MIS18A: variants seen among roughly 807,000 people sequenced by gnomAD.
MIS18A encodes the protein MIS18 kinetochore protein A.
In MIS18A, 14 loss-of-function variants were observed where a neutral mutation model predicts 25.0. The ratio of observed to expected loss-of-function variants is 0.56; its 90% CI spans 0.37 to 0.88. The LOEUF (loss-of-function observed/expected upper bound fraction) is 0.88. MIS18A is among the 40% of genes least tolerant of loss of function. The pLI, the probability that MIS18A is intolerant of heterozygous loss-of-function variation, is 0.00. For synonymous variants in MIS18A, 134 were observed against 118.6 expected (o/e 1.13, Z -0.84); for missense variants, 292 against 290.8 (o/e 1.00, Z -0.03).
chr21:32,258,837 TA>T, the MIS18A span, among the ~76,000 whole-genome samples: 1 of 66,744 alleles, frequency 1.5e-5, no homozygotes, highest in East Asian at 3.8e-4. Context: ...GTCTGCATTT[TA>T]TTTATTTATT....
At chr21:32,193,931 T>C in the MIS18A span, among the ~76,000 whole-genome samples, 1 of 152,178 alleles carries the variant, frequency 6.6e-6, no homozygotes, top group Admixed American at 6.5e-5. Flanking sequence ...CCTATGATTG[T>C]GGGATGTTTA....
At chr21:32,213,635 T>C in the MIS18A span, among the ~76,000 whole-genome samples, 1 of 152,216 alleles carries the variant, frequency 6.6e-6, no homozygotes, top group Non-Finnish European at 1.5e-5. Flanking sequence ...GTGTTAATTT[T>C]TTGACTGAAA....
the MIS18A span, among the ~76,000 whole-genome samples, chr21:32,198,858 G>T: frequency 0.15 from 22,766 of 151,808 alleles, 1,801 homozygotes; most frequent in East Asian, 0.24. Context: ...TTTAACCAGT[G>T]GACCCCATGG....
chr21:32,228,787 A>G, the MIS18A span, among the ~76,000 whole-genome samples: 2 of 152,230 alleles, frequency 1.3e-5, no homozygotes, highest in Non-Finnish European at 2.9e-5. Context: ...AATGCTTAGG[A>G]GTAAATTTAA....
chr21:32,193,456 A>G, the MIS18A span, among the ~76,000 whole-genome samples: 1 of 151,612 alleles, frequency 6.6e-6, no homozygotes, highest in South Asian at 2.1e-4. Context: ...TGCTTGATAT[A>G]ATAGGTTGAT....
At chr21:32,270,592 A>C in intron 2 of MIS18A, 63 bp from the exon 3 acceptor site, 174 of 1,450,882 alleles carry the variant, frequency 1.2e-4, no homozygotes, top group Middle Eastern at 1.8e-4. Flanking sequence ...TAAAAATCTC[A>C]CTGTTAAAAT....
chr21:32,234,620 A>G, the MIS18A span, among the ~76,000 whole-genome samples: 1 of 152,138 alleles, frequency 6.6e-6, no homozygotes, highest in Non-Finnish European at 1.5e-5. Flanking sequence ...GCTTAGCAGC[A>G]TCCATGGTGA....
the MIS18A span, among the ~76,000 whole-genome samples, chr21:32,223,168 A>T: frequency 6.6e-6 from 1 of 152,184 alleles, no homozygotes; most frequent in Admixed American, 6.5e-5. Context: ...CCCACATGAG[A>T]ACATGGGAAA....
the MIS18A span, among the ~76,000 whole-genome samples, chr21:32,231,641 T>C: frequency 6.6e-6 from 1 of 152,164 alleles, no homozygotes; most frequent in African/African-American, 2.4e-5. Flanking sequence ...TGCCTCAAAG[T>C]GTTAAACATA....
At chr21:32,266,696 GAAC>G (rs1272879378), downstream of MIS18A, among the ~76,000 whole-genome samples, 1 of 151,292 alleles carries the variant, frequency 6.6e-6, no homozygotes, top group Non-Finnish European at 1.5e-5. Context: ...GAACACATCT[GAAC>G]ATCAGAAGGG....
At chr21:32,190,090 GT>G in the MIS18A span, among the ~76,000 whole-genome samples, 1 of 152,150 alleles carries the variant, frequency 6.6e-6, no homozygotes, top group Non-Finnish European at 1.5e-5. Flanking sequence ...AGAAAACTCT[GT>G]TATTTTCAAA....
At chr21:32,171,111 CAT>C in the MIS18A span, among the ~76,000 whole-genome samples, 1 of 152,020 alleles carries the variant, frequency 6.6e-6, no homozygotes, top group African/African-American at 2.4e-5. Context: ...TTCTATCCAA[CAT>C]TATACTGGAG....
At chr21:32,201,109 A>G in the MIS18A span, among the ~76,000 whole-genome samples, 3 of 152,134 alleles carry the variant, frequency 2.0e-5, no homozygotes, top group South Asian at 2.1e-4. Context: ...CGGAAGGTGA[A>G]GGAAGAGCAG....
At chr21:32,177,472 G>C in the MIS18A span, among the ~76,000 whole-genome samples, 5 of 152,220 alleles carry the variant, frequency 3.3e-5, no homozygotes, top group East Asian at 9.6e-4. Flanking sequence ...AGGAAAAAAT[G>C]CAAGTATTGG....
chr21:32,225,198 C>G, the MIS18A span, among the ~76,000 whole-genome samples: 9 of 79,744 alleles, frequency 1.1e-4, no homozygotes, highest in Admixed American at 5.1e-4. Flanking sequence ...CTAGGCATTA[C>G]CATTCAGGAC....
the MIS18A span, among the ~76,000 whole-genome samples, chr21:32,168,407 T>A: frequency 6.6e-6 from 1 of 151,398 alleles, no homozygotes; most frequent in African/African-American, 2.4e-5. Flanking sequence ...AATGAAGGAG[T>A]TTTTCTAATG....
chr21:32,241,290 A>C, the MIS18A span, among the ~76,000 whole-genome samples: 1 of 152,174 alleles, frequency 6.6e-6, no homozygotes, highest in Non-Finnish European at 1.5e-5. Flanking sequence ...TTCCATCCAA[A>C]GAAAACACAA....
At chr21:32,250,304 A>G in the MIS18A span, among the ~76,000 whole-genome samples, 1 of 152,248 alleles carries the variant, frequency 6.6e-6, no homozygotes, top group African/African-American at 2.4e-5. Flanking sequence ...CAATTAAAAA[A>G]TAAAACCCTA....
downstream of MIS18A, among the ~76,000 whole-genome samples, chr21:32,263,778 G>A (rs1390091027): frequency 6.6e-6 from 1 of 150,398 alleles, no homozygotes; most frequent in African/African-American, 2.4e-5. Flanking sequence ...GCAATATGCT[G>A]CAAACCCAGC....
Sources: allele counts gnomAD v4.1 joint callset (sites outside exome capture counted in the v4.1 genomes callset), GRCh38; gene constraint gnomAD v4.1.1; transcripts MANE v1.5; gene names NCBI Gene and HGNC (gene_info 2026-07-23, HGNC 2026-07-21).